TMPRSS11F: variants seen among roughly 807,000 people sequenced by gnomAD.
TMPRSS11F encodes the protein transmembrane protease serine 11F.
Under a neutral mutation model 60.2 loss-of-function variants are expected in TMPRSS11F, and 47 were observed. The observed-to-expected ratio is 0.78, with a 90% CI of 0.62 to 1.00. TMPRSS11F has a LOEUF of 1.00. Among genes scored for constraint, TMPRSS11F ranks in the 50% least tolerant of loss-of-function variants. TMPRSS11F has a pLI of 0.00. For missense variants in TMPRSS11F, 519 were observed against 522.9 expected (o/e 0.99, Z 0.07); for synonymous variants, 166 against 167.3 (o/e 0.99, Z 0.06).
chr4:68,091,603 C>T (rs959033219), intron 2 of TMPRSS11F, among the ~76,000 whole-genome samples: 1 of 152,046 alleles, frequency 6.6e-6, no homozygotes, highest in African/African-American at 2.4e-5. Context: ...TTTACTTAAA[C>T]CTGCTCCACT....
chr4:68,063,356 C>T (rs1723243762), intron 8 of TMPRSS11F: 1 of 436,582 alleles, frequency 2.3e-6, no homozygotes, highest in South Asian at 1.8e-5. Context: ...ATCTTTTTCT[C>T]TCTTTTTTTT....
chr4:68,099,330 A>G (rs991984007), intron 1 of TMPRSS11F, among the ~76,000 whole-genome samples: 1 of 152,204 alleles, frequency 6.6e-6, no homozygotes, highest in East Asian at 1.9e-4. Flanking sequence ...AAACACAAAG[A>G]CTGGCTTTTA....
intron 1 of TMPRSS11F, among the ~76,000 whole-genome samples, chr4:68,115,162 A>T (rs1257333370): frequency 6.6e-6 from 1 of 151,468 alleles, no homozygotes; most frequent in African/African-American, 2.4e-5. Flanking sequence ...ATCCTGGCTA[A>T]TACGGTGAAA....
intron 1 of TMPRSS11F, among the ~76,000 whole-genome samples, chr4:68,124,169 C>G (rs1472199185): frequency 2.0e-5 from 3 of 150,846 alleles, no homozygotes; most frequent in Non-Finnish European, 2.9e-5. Context: ...TGCAATGAGC[C>G]GAGATTGCAC....
At chr4:68,095,619 C>T (rs1487463741) in intron 2 of TMPRSS11F, among the ~76,000 whole-genome samples, 1 of 152,082 alleles carries the variant, frequency 6.6e-6, no homozygotes, top group Non-Finnish European at 1.5e-5. Flanking sequence ...ATGCCCTGGC[C>T]AGAAGCGGTG....
At chr4:68,103,368 C>A (rs948444249) in intron 1 of TMPRSS11F, among the ~76,000 whole-genome samples, 1 of 151,582 alleles carries the variant, frequency 6.6e-6, no homozygotes, top group Non-Finnish European at 1.5e-5. Flanking sequence ...ATCACCTGAG[C>A]CCAGGAGGTC....
chr4:68,101,457 A>G (rs1724187792), intron 1 of TMPRSS11F, among the ~76,000 whole-genome samples: 1 of 73,500 alleles, frequency 1.4e-5, no homozygotes, highest in African/African-American at 5.7e-5. Context: ...TAAATAAAAC[A>G]AAATATATTA....
intron 3 of TMPRSS11F, among the ~76,000 whole-genome samples, chr4:68,089,417 C>A (rs1274874503): frequency 6.6e-6 from 1 of 151,988 alleles, no homozygotes. Flanking sequence ...TGAAATTGAA[C>A]AGGAAACATA....
chr4:68,094,525 T>C (rs1186417864), intron 2 of TMPRSS11F, among the ~76,000 whole-genome samples: 1 of 149,738 alleles, frequency 6.7e-6, no homozygotes, highest in Non-Finnish European at 1.5e-5. Context: ...ATTGTGAACA[T>C]GTACCCTAAA....
chr4:68,116,957 C>T (rs564422773), intron 1 of TMPRSS11F, among the ~76,000 whole-genome samples: 1 of 152,206 alleles, frequency 6.6e-6, no homozygotes, highest in East Asian at 1.9e-4. Flanking sequence ...TATGACATGA[C>T]ACCAAAAGCA....
At chr4:68,126,448 T>C (rs910488013) in intron 1 of TMPRSS11F, among the ~76,000 whole-genome samples, 1 of 152,242 alleles carries the variant, frequency 6.6e-6, no homozygotes, top group Non-Finnish European at 1.5e-5. Flanking sequence ...TCTCTAGTTT[T>C]CAGCTTTTTA....
chr4:68,088,283 AAAGAGACAAAGAAGG>A (rs1723856864), intron 3 of TMPRSS11F, among the ~76,000 whole-genome samples: 1 of 151,550 alleles, frequency 6.6e-6, no homozygotes, highest in African/African-American at 2.4e-5. Context: ...ACAAAGATCA[AAAGAGACAAAGAAGG>A]CCATTACATA....
intron 1 of TMPRSS11F, 72 bp downstream of exon 1, chr4:68,129,738 T>C: frequency 7.0e-7 from 1 of 1,420,472 alleles, no homozygotes; most frequent in Non-Finnish European, 9.9e-7. Flanking sequence ...CCAACATCTG[T>C]ACTACCTGTC....
At chr4:68,121,186 TTC>T (rs1187234092) in intron 1 of TMPRSS11F, among the ~76,000 whole-genome samples, 8 of 152,192 alleles carry the variant, frequency 5.3e-5, no homozygotes, top group African/African-American at 1.9e-4. Flanking sequence ...TCTCAATTAA[TTC>T]TGTTTTTTAA....
intron 9 of TMPRSS11F, among the ~76,000 whole-genome samples, chr4:68,056,445 A>C (rs1723047835): frequency 7.9e-6 from 1 of 127,210 alleles, no homozygotes; most frequent in African/African-American, 3.7e-5. Context: ...AAAAAATAGC[A>C]AAAAAAAAAA....
intron 7 of TMPRSS11F, among the ~76,000 whole-genome samples, chr4:68,065,483 GC>G: frequency 6.6e-6 from 1 of 152,156 alleles, no homozygotes; most frequent in East Asian, 1.9e-4. Context: ...AGCTCCTACC[GC>G]CCATGGATCT....
intron 1 of TMPRSS11F, among the ~76,000 whole-genome samples, chr4:68,119,745 T>G (rs549432364): frequency 6.6e-6 from 1 of 152,334 alleles, no homozygotes; most frequent in African/African-American, 2.4e-5. Context: ...ACCCCAGAGC[T>G]CTGAAGGAGA....
At chr4:68,119,378 G>A (rs1372748883) in intron 1 of TMPRSS11F, among the ~76,000 whole-genome samples, 1 of 152,182 alleles carries the variant, frequency 6.6e-6, no homozygotes, top group African/African-American at 2.4e-5. Context: ...TAAGATCCCT[G>A]ATAAAGGTGG....
intron 1 of TMPRSS11F, among the ~76,000 whole-genome samples, chr4:68,111,938 T>C (rs1724416836): frequency 6.6e-6 from 1 of 152,188 alleles, no homozygotes; most frequent in African/African-American, 2.4e-5. Flanking sequence ...AAACCAATGA[T>C]TTGGGTTAAG....
Sources: allele counts gnomAD v4.1 joint callset (sites outside exome capture counted in the v4.1 genomes callset), GRCh38; gene constraint gnomAD v4.1.1; transcripts MANE v1.5; gene names NCBI Gene and HGNC (gene_info 2026-07-23, HGNC 2026-07-21).